Variants in RNU2-2 observed in about 807,000 individuals in gnomAD.
RNU2-2 encodes RNA, U2 small nuclear 2, pseudogene.
At chr11:62,841,646 G>T in the RNU2-2 span, 1 of 152,186 alleles carries the variant, frequency 6.6e-6, no homozygotes, top group Admixed American at 6.5e-5. Flanking sequence ...TGGAAGTACT[G>T]CAATACCAGG....
At chr11:62,841,685 C>A in the RNU2-2 span, 1 of 151,984 alleles carries the variant, frequency 6.6e-6, no homozygotes, top group African/African-American at 2.4e-5. Flanking sequence ...GGAGCAAGCT[C>A]CTATTCCATC....
the RNU2-2 span, chr11:62,841,726 G>C: frequency 6.6e-5 from 10 of 152,116 alleles, no homozygotes; most frequent in African/African-American, 1.2e-4. Context: ...TTAATATATT[G>C]TCCTCGGATA....
the RNU2-2 span, chr11:62,841,728 C>A: frequency 6.6e-6 from 1 of 152,182 alleles, no homozygotes; most frequent in Non-Finnish European, 1.5e-5. Flanking sequence ...AATATATTGT[C>A]CTCGGATAGA....
the RNU2-2 span, chr11:62,841,796 G>C: frequency 6.6e-6 from 1 of 152,128 alleles, no homozygotes; most frequent in African/African-American, 2.4e-5. Context: ...TTAGCCAAAA[G>C]GCCGAGAAGC....
the RNU2-2 span, chr11:62,841,755 A>G: frequency 8.5e-5 from 13 of 152,250 alleles, no homozygotes; most frequent in East Asian, 1.9e-4. Flanking sequence ...ATCAGATATT[A>G]AACTGATAAG....
the RNU2-2 span, chr11:62,841,688 A>AT: frequency 6.9e-6 from 1 of 145,152 alleles, no homozygotes; most frequent in Non-Finnish European, 1.6e-5. Flanking sequence ...GCAAGCTCCT[A>AT]TTCCATCTCC....
the RNU2-2 span, chr11:62,841,800 G>T: frequency 6.6e-6 from 1 of 152,208 alleles, no homozygotes; most frequent in African/African-American, 2.4e-5. Context: ...CCAAAAGGCC[G>T]AGAAGCGATA....
chr11:62,841,655 G>C, the RNU2-2 span: 4 of 152,202 alleles, frequency 2.6e-5, no homozygotes, highest in African/African-American at 4.8e-5. Context: ...TGCAATACCA[G>C]GTCGATGCGT....
chr11:62,841,679 C>T, the RNU2-2 span: 9 of 152,152 alleles, frequency 5.9e-5, no homozygotes, highest in South Asian at 2.1e-4. Flanking sequence ...GTGGACGGAG[C>T]AAGCTCCTAT....
chr11:62,841,774 C>T, the RNU2-2 span: 1 of 152,238 alleles, frequency 6.6e-6, no homozygotes, highest in African/African-American at 2.4e-5. Context: ...AGAACAGATA[C>T]TACACTTGAT....
At chr11:62,841,704 C>G in the RNU2-2 span, 2 of 152,170 alleles carry the variant, frequency 1.3e-5, no homozygotes, top group Non-Finnish European at 2.9e-5. Context: ...TCTCCTATTT[C>G]CAAAAATCCA....
chr11:62,841,784 T>C, the RNU2-2 span: 2 of 152,248 alleles, frequency 1.3e-5, no homozygotes, highest in African/African-American at 2.4e-5. Flanking sequence ...CTACACTTGA[T>C]CTTAGCCAAA....
the RNU2-2 span, chr11:62,841,726 G>A: frequency 3.9e-5 from 6 of 152,116 alleles, no homozygotes; most frequent in Admixed American, 6.5e-5. Flanking sequence ...TTAATATATT[G>A]TCCTCGGATA....
the RNU2-2 span, chr11:62,841,722 T>A: frequency 1.3e-5 from 2 of 152,156 alleles, no homozygotes; most frequent in South Asian, 2.1e-4. Context: ...CCATTTAATA[T>A]ATTGTCCTCG....
At chr11:62,841,628 A>G in the RNU2-2 span, 1 of 152,218 alleles carries the variant, frequency 6.6e-6, no homozygotes, top group African/African-American at 2.4e-5. Flanking sequence ...GGGAGAGTGC[A>G]CCGTTCCTGG....
At chr11:62,841,729 C>CTCGGATAGAGGA in the RNU2-2 span, 1 of 152,124 alleles carries the variant, frequency 6.6e-6, no homozygotes, top group Non-Finnish European at 1.5e-5. Flanking sequence ...ATATATTGTC[C>CTCGGATAGAGGA]TCGGATAGAG....
chr11:62,841,671 G>T, the RNU2-2 span: 3 of 152,142 alleles, frequency 2.0e-5, no homozygotes, highest in African/African-American at 4.8e-5. Context: ...TGCGTGGAGT[G>T]GACGGAGCAA....
the RNU2-2 span, chr11:62,841,698 CTATTTCCAAAAATCCATTTAATA>C: frequency 6.6e-6 from 1 of 152,192 alleles, no homozygotes; most frequent in African/African-American, 2.4e-5. Flanking sequence ...ATTCCATCTC[CTATTTCCAAAAATCCATTTAATA>C]TATTGTCCTC....
At chr11:62,841,696 T>A in the RNU2-2 span, 4 of 152,326 alleles carry the variant, frequency 2.6e-5, no homozygotes, top group Admixed American at 6.5e-5. Context: ...CTATTCCATC[T>A]CCTATTTCCA....
Sources: gnomAD v4.1 joint callset for allele counts on GRCh38, gnomAD v4.1.1 for gene constraint, MANE v1.5 for transcripts, NCBI Gene and HGNC (gene_info 2026-07-23, HGNC 2026-07-21) for gene names.